GPR107: variants seen among roughly 807,000 people sequenced by gnomAD.
GPR107 encodes protein GPR107.
Under a neutral mutation model 75.5 loss-of-function variants are expected in GPR107, and 31 were observed. That is an observed-to-expected ratio of 0.41 (90% CI 0.31 to 0.55). GPR107 has a LOEUF of 0.55. Ranked by LOEUF, GPR107 falls within the 20% of genes least tolerant of loss-of-function variation. GPR107 has a pLI of 0.26. For synonymous variants in GPR107, 267 were observed against 251.3 expected, an observed-to-expected ratio of 1.06 and a Z score of -0.59; for missense variants, 572 against 665.7, an observed-to-expected ratio of 0.86 and a Z score of 1.55.
At chr9:130,128,893 G>T in intron 17 of GPR107, 132 bp downstream of exon 17, 1 of 795,698 alleles carries the variant, frequency 1.3e-6, no homozygotes, top group Non-Finnish European at 2.0e-6. Flanking sequence ...TTAGCAGAAG[G>T]AAGCGGACAC....
chr9:130,068,066 CTT>C (rs10712492), intron 1 of GPR107, among the ~76,000 whole-genome samples: 6 of 140,886 alleles, frequency 4.3e-5, no homozygotes, highest in Admixed American at 7.2e-5. Context: ...TTCTTGTTTT[CTT>C]TTTTTTTTTT....
At chr9:130,122,527 G>T (rs1455546345) in intron 14 of GPR107, among the ~76,000 whole-genome samples, 1 of 152,200 alleles carries the variant, frequency 6.6e-6, no homozygotes, top group African/African-American at 2.4e-5. Context: ...CCTCAGGGGA[G>T]GAGGAACACC....
chr9:130,094,974 C>T (rs929849839), intron 9 of GPR107, among the ~76,000 whole-genome samples: 1 of 152,074 alleles, frequency 6.6e-6, no homozygotes, highest in African/African-American at 2.4e-5. Flanking sequence ...AGCCACTGCG[C>T]CCGGCCTCTG....
chr9:130,083,396 A>C, intron 5 of GPR107, 169 bp from the exon 6 acceptor site: 1 of 405,602 alleles, frequency 2.5e-6, no homozygotes, highest in South Asian at 1.0e-4. Flanking sequence ...CTGCTTCGAC[A>C]GTACAAGAAT....
intron 10 of GPR107, 143 bp downstream of exon 10, chr9:130,099,675 G>A (rs908556770): frequency 1.7e-6 from 1 of 590,570 alleles, no homozygotes; most frequent in Admixed American, 2.9e-5. Context: ...CTCTTGTCTG[G>A]GAGGGCCTGG....
At chr9:130,083,432 C>T (rs986462966) in intron 5 of GPR107, 133 bp from the exon 6 acceptor site, 34 of 459,102 alleles carry the variant, frequency 7.4e-5, no homozygotes, top group South Asian at 1.4e-4. Context: ...GAGGAAATGG[C>T]AGTCCCCAAG....
chr9:130,107,211 G>C (rs1668172644), intron 13 of GPR107, among the ~76,000 whole-genome samples: 1 of 152,152 alleles, frequency 6.6e-6, no homozygotes, highest in African/African-American at 2.4e-5. Flanking sequence ...GGGAGTGAGA[G>C]ATTAACAGGA....
chr9:130,111,252 G>A (rs894363110), intron 14 of GPR107, among the ~76,000 whole-genome samples: 6 of 152,084 alleles, frequency 3.9e-5, no homozygotes, highest in Non-Finnish European at 7.4e-5. Context: ...GATTGCTTGA[G>A]GCCAGGAGTT....
In GPR107 at chr9:130,104,410, A is replaced by G; in HGVS notation, c.1132-10A>G. 2 of 1,613,264 alleles carry G rather than the reference A, an allele frequency of 1.2e-6. No individual in the cohort carries two copies. The highest frequency in any genetic ancestry group is 1.7e-6 in the Non-Finnish European group (2 of 1,179,316). ...TGCTTTGGGGCCTCAGCAACTTCTCATGTCTGTAGGTCCTGGCAAATGTAG... is the reference window on the plus strand; with the variant it reads ...TGCTTTGGGGCCTCAGCAACTTCTCGTGTCTGTAGGTCCTGGCAAATGTAG... On this transcript the variant is annotated splice_polypyrimidine_tract_variant and intron_variant, in intron 12 of 17. Coordinates refer to ENST00000347136, the MANE Select transcript of GPR107 (RefSeq NM_020960.5).
intron 5 of GPR107, among the ~76,000 whole-genome samples, chr9:130,081,280 G>A (rs761561158): frequency 6.6e-6 from 1 of 151,918 alleles, no homozygotes; most frequent in Non-Finnish European, 1.5e-5. Context: ...GTTCATCCCT[G>A]TAATCCCAGC....
At chr9:130,056,312 C>T (rs1034633195) in intron 1 of GPR107, among the ~76,000 whole-genome samples, 4 of 140,514 alleles carry the variant, frequency 2.8e-5, no homozygotes, top group Non-Finnish European at 6.1e-5. Context: ...ATTAGCCAGG[C>T]GTGGTGGCAG....
At chr9:130,127,433 T>G (rs1001116075) in intron 15 of GPR107, 50 bp from the exon 16 acceptor site, 7 of 940,932 alleles carry the variant, frequency 7.4e-6, no homozygotes, top group Middle Eastern at 2.1e-4. Context: ...TAAAGTGGTG[T>G]CCTAATTTTA....
chr9:130,107,070 A>G (rs561942267), intron 13 of GPR107, among the ~76,000 whole-genome samples: 3 of 152,270 alleles, frequency 2.0e-5, no homozygotes, highest in Admixed American at 1.3e-4. Context: ...ATGGTGCTGT[A>G]TGTTCACAGC....
chr9:130,078,933 C>T (rs1311311376), intron 4 of GPR107, among the ~76,000 whole-genome samples: 1 of 152,152 alleles, frequency 6.6e-6, no homozygotes, highest in Non-Finnish European at 1.5e-5. Flanking sequence ...AGTGCCACTG[C>T]CCTCTCGTGC....
chr9:130,058,590 G>A (rs917096330), intron 1 of GPR107, among the ~76,000 whole-genome samples: 6 of 151,742 alleles, frequency 4.0e-5, no homozygotes, highest in African/African-American at 1.2e-4. Context: ...TCAGCCTCCC[G>A]AGTAGCTGAG....
intron 1 of GPR107, among the ~76,000 whole-genome samples, chr9:130,061,148 C>G (rs1323804217): frequency 6.6e-6 from 1 of 152,206 alleles, no homozygotes; most frequent in Non-Finnish European, 1.5e-5. Flanking sequence ...CGGGTGGGCA[C>G]TTCTAGACAC....
intron 17 of GPR107, among the ~76,000 whole-genome samples, chr9:130,132,710 C>T (rs915875766): frequency 6.6e-6 from 1 of 151,930 alleles, no homozygotes; most frequent in Non-Finnish European, 1.5e-5. Context: ...CACTTGAACC[C>T]AGGAGACGGA....
intron 9 of GPR107, among the ~76,000 whole-genome samples, chr9:130,098,565 C>G (rs541664496): frequency 1.3e-5 from 2 of 152,264 alleles, no homozygotes; most frequent in Admixed American, 1.3e-4. Flanking sequence ...AGCTGGCAGC[C>G]TGTGTTAGAT....
intron 15 of GPR107, among the ~76,000 whole-genome samples, chr9:130,126,186 A>G (rs1831677805): frequency 6.6e-6 from 1 of 152,042 alleles, no homozygotes; most frequent in South Asian, 2.1e-4. Flanking sequence ...TTTAAAACCT[A>G]AAACAGGACT....
Sources: allele counts gnomAD v4.1 joint callset (sites outside exome capture counted in the v4.1 genomes callset), GRCh38; gene constraint gnomAD v4.1.1; transcripts MANE v1.5; gene names NCBI Gene and HGNC (gene_info 2026-07-23, HGNC 2026-07-21).